NBPF26: variants seen among roughly 807,000 people sequenced by gnomAD.
NBPF26 encodes NBPF family member NBPF26.
NBPF26 carries 79 observed loss-of-function variants against 119.6 expected under a neutral mutation model. That is an observed-to-expected ratio of 0.66 (90% CI 0.55 to 0.80). The LOEUF is 0.80. Ranked by LOEUF, NBPF26 falls within the 30% of genes least tolerant of loss-of-function variation. The pLI is 0.00. For missense variants in NBPF26, 800 were observed against 1,198.2 expected (o/e 0.67, Z 4.91); for synonymous variants, 299 against 457.7 (o/e 0.65, Z 4.43).
Position 120,763,700 on chromosome 1 carries a change from G to T in NBPF26, c.146G>T (p.Gly49Val), listed in dbSNP as rs1297111523. ...TGTGTTACCTACCACAGTGGCACAGGATACTGCAAGTAAGTTTTTCTCTTC... is the reference window on the plus strand; with the variant it reads ...TGTGTTACCTACCACAGTGGCACAGTATACTGCAAGTAAGTTTTTCTCTTC... The change falls in exon 2 of 30, where the codon GGA becomes GTA. Residue 49 changes from glycine to valine, a missense_variant. Physicochemically the swap from Gly to Val is moderately radical, Grantham distance 109. This residue lies in a region of NBPF26 where 209 missense variants were observed against 285.2 expected (regional missense o/e 0.73). Coordinates refer to ENST00000620612, the Ensembl canonical transcript of NBPF26. 2.9e-6 allele frequency: 4 copies of T among 1,358,970 alleles called. 1 individual carries two copies. The highest frequency in any genetic ancestry group is 4.0e-6 in the Non-Finnish European group (4 of 1,005,592). 84.2% of individuals were successfully genotyped at this position (1,358,970 alleles called of 1,614,324 possible).
intron 6 of NBPF26, among the ~76,000 whole-genome samples, chr1:120,808,316 A>G (rs2101497608): frequency 8.4e-6 from 1 of 119,218 alleles, no homozygotes; most frequent in South Asian, 2.5e-4. Flanking sequence ...CAGAAGAGAA[A>G]GATGAATGGA....
At chr1:120,823,392 G>T in intron 17 of NBPF26, 32 bp downstream of exon 17, 1 of 1,054,006 alleles carries the variant, frequency 9.5e-7, no homozygotes, top group Non-Finnish European at 1.4e-6. Flanking sequence ...CAGTTAATTT[G>T]ATGTTGACAC....
At chr1:120,785,361 G>A in intron 3 of NBPF26, 128 bp downstream of exon 3, 1 of 614,198 alleles carries the variant, frequency 1.6e-6, no homozygotes. Flanking sequence ...ATTATGATAA[G>A]GAACTGGGAT....
intron 15 of NBPF26, among the ~76,000 whole-genome samples, chr1:120,820,447 A>AAAATATAT (rs1553271997): frequency 1.8e-4 from 2 of 10,836 alleles, no homozygotes; most frequent in Admixed American, 1.1e-3. Flanking sequence ...AAGTATTAAA[A>AAAATATAT]ATATATATAT....
At chr1:120,762,560 C>A (rs1178141150) in intron 1 of NBPF26, among the ~76,000 whole-genome samples, 1 of 106,264 alleles carries the variant, frequency 9.4e-6, no homozygotes, top group African/African-American at 5.2e-5. Context: ...GGTATTTATA[C>A]ATTAACTATC....
Position 120,821,971 on chromosome 1 carries a change from C to G in NBPF26, c.2424-133C>G, listed in dbSNP as rs1478259130. ...CTGTATTTAGAAGGATAGTTTTATT[C>G]CTCTTGAAGGAAAAATGCCTTTGGT... On this transcript the variant is annotated intron_variant, in intron 15 of 29. Coordinates refer to ENST00000620612, the Ensembl canonical transcript of NBPF26. The G allele has an allele frequency of 4.5e-6, 5 of 1,104,266 alleles. No individual in the cohort carries two copies. The East Asian group carries it at 7.2e-5, about 16-fold the overall frequency. 68.4% of individuals were successfully genotyped at this position (1,104,266 alleles called of 1,614,324 possible). A position where few individuals can be genotyped will look rare whatever the true frequency, so the allele number is the denominator to read the frequency against.
chr1:120,833,098 C>T (rs1652389815), intron 23 of NBPF26, 115 bp downstream of exon 27: 1 of 633,956 alleles, frequency 1.6e-6, no homozygotes, highest in African/African-American at 3.5e-5. Context: ...ATTACTCCTC[C>T]TGTCATTGCT....
chr1:120,840,482 A>C (rs1553273514), exon 30 of NBPF26: 1 of 1,479,940 alleles, frequency 6.8e-7, no homozygotes, highest in Non-Finnish European at 9.1e-7. Flanking sequence ...TGTTTTACTC[A>C]TTTGAGGAAG....
intron 2 of NBPF26, among the ~76,000 whole-genome samples, chr1:120,769,586 G>T (rs1188216724): frequency 1.6e-5 from 2 of 121,388 alleles, no homozygotes; most frequent in Non-Finnish European, 3.3e-5. Context: ...TGTTTTTTTG[G>T]CTCATTAAAT....
chr1:120,784,433 C>T (rs1651399515), intron 2 of NBPF26, among the ~76,000 whole-genome samples: 1 of 117,296 alleles, frequency 8.5e-6, no homozygotes, highest in South Asian at 2.5e-4. Flanking sequence ...TGCTGTTTCT[C>T]AAACACGCTA....
rs1252025375 is a variant in NBPF26 at position 120,802,553 on chromosome 1, C to T, written c.752-3003C>T. On this transcript the variant is annotated intron_variant, in intron 4 of 29. Transcript: ENST00000620612. ...CAGTCCAACTTTGGAAGAGTGGAAG[C>T]CCTAGTTTCAAATTCAAGCATGCTT... is the stretch of plus-strand genomic sequence containing the variant. 2.4e-5 allele frequency among the ~76,000 whole-genome samples: 3 copies of T among 123,086 alleles called. 1 individual carries two copies. Among genetic ancestry groups the T allele is most frequent in the Non-Finnish European group, 4.9e-5 (3 of 61,456 alleles). The allele number at this position is 123,086 out of a possible 152,430, so 80.7% of individuals were successfully genotyped here.
chr1:120,816,724 A>G lies in NBPF26; in HGVS notation c.2268A>G (p.Pro756=), dbSNP rs1652015531. 12 of 1,278,648 alleles carry G rather than the reference A, an allele frequency of 9.4e-6. 2 individuals carry two copies. The highest frequency in any genetic ancestry group is 9.5e-6 in the Non-Finnish European group (9 of 945,810). The allele number at this position is 1,278,648 out of a possible 1,614,324, so 79.2% of individuals were successfully genotyped here. The change falls in exon 14 of 30, where the codon CCA becomes CCG. Residue 756 remains proline, a synonymous_variant. Transcript: ENST00000620612. ...ATGGCCCTTATGACTGCAACCAGCC[A>G]CATAGGAAAACCAAAATCACATTTG...
intron 1 of NBPF26, among the ~76,000 whole-genome samples, chr1:120,725,224 AC>A (rs1650804069): frequency 2.9e-5 from 3 of 102,314 alleles, no homozygotes; most frequent in Non-Finnish European, 5.3e-5. Flanking sequence ...ATTTCTTCAG[AC>A]CCTTTAGTGG....
intron 1 of NBPF26, among the ~76,000 whole-genome samples, chr1:120,752,559 T>A (rs1651034011): frequency 5.8e-4 from 14 of 24,080 alleles, no homozygotes; most frequent in African/African-American, 4.1e-3. Flanking sequence ...TATATATTTT[T>A]TTTTTTTTTT....
intron 1 of NBPF26, 49 bp downstream of exon 1, chr1:120,724,299 C>T: frequency 7.3e-7 from 1 of 1,367,128 alleles, no homozygotes; most frequent in Non-Finnish European, 9.5e-7. Context: ...GGGCTGCCAC[C>T]TGGGGCGACC....
chr1:120,823,749 G>A (rs1473279772), intron 17 of NBPF26, among the ~76,000 whole-genome samples: 55 of 31,610 alleles, frequency 1.7e-3, no homozygotes, highest in African/African-American at 0.011. Context: ...CACTGAGCTC[G>A]CTCTGTGTGT....
intron 17 of NBPF26, among the ~76,000 whole-genome samples, chr1:120,823,648 T>G (rs1229494985): frequency 1.6e-5 from 2 of 124,936 alleles, no homozygotes; most frequent in African/African-American, 3.8e-5. Context: ...ATTGAGGACA[T>G]GCTTTTCATG....
In NBPF26 at chr1:120,724,271, C is replaced by T. The variant is rs2101332043; in HGVS notation, c.73+21C>T. ...GCATGGTGAGTATCGGGCTGAGGGG[C>T]GCTGTCCGCGGCGCCCGGGGCTGCC... On this transcript the variant is annotated intron_variant, in intron 1 of 29. Transcript: ENST00000620612. The T allele has an allele frequency of 4.3e-6, 6 of 1,383,970 alleles. 1 individual carries two copies. The highest frequency in any genetic ancestry group is 1.3e-5 in the South Asian group (1 of 77,558). The allele number at this position is 1,383,970 out of a possible 1,614,324, so 85.7% of individuals were successfully genotyped here.
rs1374683684 is a variant in NBPF26 at position 120,761,212 on chromosome 1, G to A, written c.74-2416G>A. ...ACCTGTCACTGTAATGATTTGTCAG[G>A]ACACTTAATAGGAACAGGCCGTGAT... is the stretch of plus-strand genomic sequence containing the variant. On this transcript the variant is annotated intron_variant, in intron 1 of 29. Transcript: ENST00000620612. 2.4e-5 allele frequency among the ~76,000 whole-genome samples: 3 copies of A among 123,422 alleles called. 1 individual carries two copies. The East Asian group carries it at 6.5e-4, about 27-fold the overall frequency. The allele number at this position is 123,422 out of a possible 152,430, so 81.0% of individuals were successfully genotyped here. A position where few individuals can be genotyped will look rare whatever the true frequency, so the allele number is the denominator to read the frequency against.
Sources: allele counts gnomAD v4.1 joint callset (sites outside exome capture counted in the v4.1 genomes callset), GRCh38; gene constraint gnomAD v4.1.1; regional missense constraint gnomAD v4.1.1; transcripts MANE v1.5; gene names NCBI Gene and HGNC (gene_info 2026-07-23, HGNC 2026-07-21).